Variants in ZNF236 observed in about 807,000 individuals in gnomAD.
The protein encoded by ZNF236 is regulated by glucose.
A neutral mutation model predicts 191.2 loss-of-function variants in ZNF236; 50 were observed. The observed-to-expected ratio is 0.26, with a 90% CI of 0.21 to 0.33. ZNF236 has a LOEUF of 0.33. Among genes scored for constraint, ZNF236 ranks in the 10% least tolerant of loss-of-function variants. The probability of loss-of-function intolerance (pLI) is 1.00; values close to 1 mark genes in which losing one functional copy is unlikely to be tolerated. For synonymous variants in ZNF236, 907 were observed against 928.8 expected (o/e 0.98, Z 0.43); for missense variants, 1,754 against 2,374.5 (o/e 0.74, Z 5.43).
intron 3 of ZNF236, among the ~76,000 whole-genome samples, chr18:76,858,168 T>C (rs1040985445): frequency 6.6e-6 from 1 of 152,212 alleles, no homozygotes; most frequent in Non-Finnish European, 1.5e-5. Flanking sequence ...AACTAGCATA[T>C]GCGCAGTTTT....
In ZNF236 at chr18:76,871,712, C is replaced by T. The variant is rs1211296471; in HGVS notation, c.554C>T (p.Thr185Ile). 4 of 1,614,130 alleles carry T rather than the reference C, an allele frequency of 2.5e-6. No individual in the cohort carries two copies. Among genetic ancestry groups the T allele is most frequent in the Non-Finnish European group, 2.5e-6 (3 of 1,180,012 alleles). ...CTTTATTACACTAGGGTATCAAGTA[C>T]AAGGTCTTATAACCGGAATATCGAC... is the stretch of plus-strand genomic sequence containing the variant. ...KTHYKIRVSS[T>I]RSYNRNIDRS... The change falls in exon 5 of 31, where the codon ACA becomes ATA. Residue 185 changes from threonine to isoleucine, a missense_variant. Coordinates refer to ENST00000320610, the MANE Select transcript of ZNF236 (RefSeq NM_001306089.2).
chr18:76,923,717 GTCC>G (rs1457367783), intron 21 of ZNF236, among the ~76,000 whole-genome samples: 1 of 152,090 alleles, frequency 6.6e-6, no homozygotes, highest in Non-Finnish European at 1.5e-5. Flanking sequence ...GAATCCTGTA[GTCC>G]TCCTGTGAGC....
At chr18:76,846,975 C>T (rs939007469) in intron 1 of ZNF236, among the ~76,000 whole-genome samples, 7 of 151,806 alleles carry the variant, frequency 4.6e-5, no homozygotes, top group Middle Eastern at 3.4e-3. Flanking sequence ...TTGTATTTTT[C>T]GCAGAGGGGG....
At position 76,833,317 on chromosome 18, in the gene ZNF236, G is replaced by T. The variant is rs1002914744; in HGVS notation, c.55+10655G>T. On this transcript the variant is annotated intron_variant, in intron 1 of 30. Coordinates refer to ENST00000320610, the MANE Select transcript of ZNF236 (RefSeq NM_001306089.2). ...GAGGAAAATTATATTATTAACTAGG[G>T]TGCTTGTTGTGGGTTTCTTTTGGGG... Among the ~76,000 whole-genome samples, 7 of 152,090 alleles carry T rather than the reference G, an allele frequency of 4.6e-5. No homozygotes were observed. In the South Asian group the frequency reaches 8.3e-4, roughly 18 times the overall value.
intron 3 of ZNF236, among the ~76,000 whole-genome samples, chr18:76,866,245 G>A (rs952946311): frequency 5.3e-5 from 8 of 152,200 alleles, no homozygotes; most frequent in African/African-American, 1.4e-4. Flanking sequence ...TCAGTGGCAC[G>A]TACAAATGAA....
intron 26 of ZNF236, among the ~76,000 whole-genome samples, chr18:76,942,997 C>T (rs918975113): frequency 6.6e-5 from 10 of 150,396 alleles, no homozygotes; most frequent in Admixed American, 4.0e-4. Flanking sequence ...GTGGCGGGCA[C>T]CTGTGGTCCC....
At chr18:76,824,664 C>A (rs543470475) in intron 1 of ZNF236, among the ~76,000 whole-genome samples, 9 of 152,290 alleles carry the variant, frequency 5.9e-5, no homozygotes, top group Non-Finnish European at 1.2e-4. Context: ...GGCACCCATT[C>A]CCCCAGTATC....
intron 30 of ZNF236, among the ~76,000 whole-genome samples, chr18:76,967,318 T>G (rs117638011): frequency 0.36 from 13 of 36 alleles, no homozygotes; most frequent in Non-Finnish European, 0.44. Context: ...ATTTTTGTTT[T>G]GTTGTTGGAG....
chr18:76,823,073 C>T (rs1450594679), intron 1 of ZNF236, among the ~76,000 whole-genome samples: 1 of 150,316 alleles, frequency 6.7e-6, no homozygotes, highest in Non-Finnish European at 1.5e-5. Flanking sequence ...GCGGCCTGGC[C>T]AGAGCCCGGG....
In ZNF236 at chr18:76,957,096, G is replaced by A. The variant is rs142301141; in HGVS notation, c.5112+914G>A. ...AGGGCAGAGGCGTGCCACGCTGGCC[G>A]GGAAGGAAAGCTGCACTAAGATGGC... On this transcript the variant is annotated intron_variant, in intron 28 of 30. Coordinates refer to ENST00000320610, the MANE Select transcript of ZNF236 (RefSeq NM_001306089.2). Among the ~76,000 whole-genome samples the A allele has an allele frequency of 9.6e-4, 147 of 152,344 alleles. 2 individuals carry two copies. The highest frequency in any genetic ancestry group is 3.0e-3 in the Admixed American group (46 of 15,306).
chr18:76,954,790 G>T (rs762380391), intron 27 of ZNF236, among the ~76,000 whole-genome samples: 17 of 152,116 alleles, frequency 1.1e-4, no homozygotes, highest in Non-Finnish European at 1.5e-5. Context: ...CTGACACACA[G>T]GTGTCATATT....
Position 76,929,491 on chromosome 18 carries a change from G to A in ZNF236, c.4594+1385G>A, listed in dbSNP as rs530752199. ...TCCTATCAAAACTACATAGTGCATG[G>A]TTCTTGCTCAGAGTTAAGAAAATGT... On this transcript the variant is annotated intron_variant, in intron 25 of 30. Transcript: ENST00000320610. Among the ~76,000 whole-genome samples the A allele has an allele frequency of 2.2e-3, 335 of 152,248 alleles. 1 individual carries two copies. The highest frequency in any genetic ancestry group is 7.8e-3 in the African/African-American group (322 of 41,542).
intron 3 of ZNF236, 46 bp from the exon 4 acceptor site, chr18:76,868,639 G>A: frequency 1.3e-6 from 2 of 1,502,924 alleles, no homozygotes. Context: ...TTGAAGGAGT[G>A]GTTTTGAAAG....
At chr18:76,877,534 A>G (rs1344934442) in intron 6 of ZNF236, among the ~76,000 whole-genome samples, 1 of 152,048 alleles carries the variant, frequency 6.6e-6, no homozygotes, top group African/African-American at 2.4e-5. Flanking sequence ...TTAGTTGTTG[A>G]TACAGAATAT....
chr18:76,948,940 A>G (rs1187874770), intron 27 of ZNF236, among the ~76,000 whole-genome samples: 2 of 152,086 alleles, frequency 1.3e-5, no homozygotes, highest in African/African-American at 2.4e-5. Flanking sequence ...TATGAAATAC[A>G]CTCTTACCTA....
intron 25 of ZNF236, among the ~76,000 whole-genome samples, chr18:76,928,789 C>G (rs113377019): frequency 6.6e-6 from 1 of 151,916 alleles, no homozygotes; most frequent in Admixed American, 6.6e-5. Context: ...GTGTGCTTTG[C>G]TCACGTGACT....
At position 76,927,017 on chromosome 18, in the gene ZNF236, CT is replaced by C. The variant is rs775094059; in HGVS notation, c.4028-17del. On this transcript the variant is annotated intron_variant, in intron 22 of 30. Transcript: ENST00000320610. The surrounding 1 kb of genome is among the most constrained non-coding windows in gnomAD (Gnocchi z 5.4). ...AGCATTCATAATATTTGATCATTCT[CT>C]TTCTCTTTCTCTGGCCAGCTGGGGG... 1.3e-6 allele frequency: 2 copies of C among 1,586,578 alleles called. No homozygotes were observed. The highest frequency in any genetic ancestry group is 1.7e-6 in the Non-Finnish European group (2 of 1,163,946).
At chr18:76,956,314 C>G in intron 28 of ZNF236, 132 bp downstream of exon 28, 3 of 1,032,962 alleles carry the variant, frequency 2.9e-6, no homozygotes, top group Non-Finnish European at 4.3e-6. Flanking sequence ...GAAAAGGTCA[C>G]TAGATGTAGA....
At chr18:76,846,576 ATGT>A (rs1389293317) in intron 1 of ZNF236, among the ~76,000 whole-genome samples, 1 of 152,180 alleles carries the variant, frequency 6.6e-6, no homozygotes, top group Admixed American at 6.5e-5. Context: ...AAACTAAACC[ATGT>A]TGTTGTTTTT....
Sources: gnomAD v4.1 joint callset for allele counts (sites outside exome capture counted in the v4.1 genomes callset) on GRCh38, gnomAD v4.1.1 for gene constraint, Gnocchi (gnomAD v3.1) non-coding constraint, MANE v1.5 for transcripts, NCBI Gene and HGNC (gene_info 2026-07-23, HGNC 2026-07-21) for gene names.